FAT3: variants seen among roughly 807,000 people sequenced by gnomAD.
The protein encoded by FAT3 is FAT atypical cadherin 3.
FAT3 carries 95 observed loss-of-function variants against 310.2 expected under a neutral mutation model. The observed-to-expected ratio is 0.31, with a 90% CI of 0.26 to 0.36. The LOEUF is 0.36. Ranked by LOEUF, FAT3 falls within the 10% of genes least tolerant of loss-of-function variation. The pLI is 1.00. For missense variants in FAT3, 5,408 were observed against 5,715.6 expected (o/e 0.95, Z 1.74); for synonymous variants, 2,314 against 2,192.9 (o/e 1.06, Z -1.54).
intron 2 of FAT3, among the ~76,000 whole-genome samples, chr11:92,500,879 T>C (rs1952918352): frequency 6.6e-6 from 1 of 152,016 alleles, no homozygotes; most frequent in Non-Finnish European, 1.5e-5. Flanking sequence ...GAGGGAAGAC[T>C]CTCCTAAGTT....
At chr11:92,311,276 G>T (rs938173260) in intron 1 of FAT3, among the ~76,000 whole-genome samples, 12 of 151,984 alleles carry the variant, frequency 7.9e-5, no homozygotes, top group African/African-American at 2.9e-4. Context: ...AAATGATTAC[G>T]TCTTATTTTC....
intron 2 of FAT3, chr11:92,367,088 A>T (rs1483019037): frequency 2.2e-6 from 1 of 456,800 alleles, no homozygotes; most frequent in Non-Finnish European, 4.3e-6. Context: ...GAGGTGAAGC[A>T]GGTGTCAAAT....
chr11:92,889,354 C>G (rs1644110168), intron 26 of FAT3, 106 bp downstream of exon 26: 9 of 511,572 alleles, frequency 1.8e-5, no homozygotes, highest in Admixed American at 3.4e-5. Flanking sequence ...CAATAAACAG[C>G]TGGTTTCTGA....
intron 3 of FAT3, among the ~76,000 whole-genome samples, chr11:92,633,139 CTGTT>C (rs1221346497): frequency 6.6e-5 from 10 of 152,218 alleles, no homozygotes; most frequent in African/African-American, 2.2e-4. Flanking sequence ...GTCACCAACT[CTGTT>C]TATTTATGCA....
intron 18 of FAT3, among the ~76,000 whole-genome samples, chr11:92,843,079 A>G (rs1365077856): frequency 6.8e-6 from 1 of 147,710 alleles, no homozygotes; most frequent in African/African-American, 2.6e-5. Context: ...AGAGAAGTTA[A>G]CTAACATACT....
intron 13 of FAT3, among the ~76,000 whole-genome samples, chr11:92,829,920 C>T (rs1948198331): frequency 6.6e-6 from 1 of 151,976 alleles, no homozygotes. Flanking sequence ...TTGCTGGGAA[C>T]TTGGGCTTAA....
chr11:92,830,982 G>C (rs942792529), intron 13 of FAT3, among the ~76,000 whole-genome samples: 1 of 152,118 alleles, frequency 6.6e-6, no homozygotes, highest in African/African-American at 2.4e-5. Context: ...CCAAGATCAC[G>C]TGCTTATGTT....
intron 1 of FAT3, among the ~76,000 whole-genome samples, chr11:92,266,537 C>A (rs1472956203): frequency 6.6e-6 from 1 of 152,000 alleles, no homozygotes; most frequent in African/African-American, 2.4e-5. Context: ...TTAATTCTAG[C>A]GGGTATATGT....
intron 3 of FAT3, among the ~76,000 whole-genome samples, chr11:92,658,816 C>T (rs1347904314): frequency 6.6e-6 from 1 of 152,076 alleles, no homozygotes; most frequent in African/African-American, 2.4e-5. Context: ...TCAGCATGCC[C>T]CATCAGCTCA....
intron 2 of FAT3, among the ~76,000 whole-genome samples, chr11:92,392,384 A>C (rs931896344): frequency 6.6e-6 from 1 of 152,138 alleles, no homozygotes; most frequent in Non-Finnish European, 1.5e-5. Flanking sequence ...ATGAAGAAAT[A>C]AGGTTTGGGG....
At chr11:92,293,268 C>T (rs1256350794) in intron 1 of FAT3, among the ~76,000 whole-genome samples, 1 of 151,472 alleles carries the variant, frequency 6.6e-6, no homozygotes, top group Non-Finnish European at 1.5e-5. Flanking sequence ...TCTTTTTACT[C>T]CAAGTGCTAC....
chr11:92,761,425 C>CGTAA (rs1321584198), intron 4 of FAT3, among the ~76,000 whole-genome samples: 5 of 152,194 alleles, frequency 3.3e-5, no homozygotes, highest in African/African-American at 1.2e-4. Context: ...TGAAGGGTTA[C>CGTAA]ATTCAGACTA....
intron 9 of FAT3, among the ~76,000 whole-genome samples, chr11:92,795,926 A>T (rs571834412): frequency 1.3e-5 from 2 of 152,090 alleles, no homozygotes; most frequent in East Asian, 3.9e-4. Context: ...ACAAAAAATT[A>T]TATTTGAGGT....
At chr11:92,284,533 C>A (rs2845880) in intron 1 of FAT3, among the ~76,000 whole-genome samples, 105,934 of 151,892 alleles carry the variant, frequency 0.7, 37,157 homozygotes, top group African/African-American at 0.77. Context: ...GCACAGGACT[C>A]AGCAGGATTA....
At chr11:92,374,030 GGAGA>G (rs58680206) in intron 2 of FAT3, among the ~76,000 whole-genome samples, 22 of 142,220 alleles carry the variant, frequency 1.5e-4, no homozygotes, top group Admixed American at 2.8e-4. Context: ...ACAGAGAGAG[GGAGA>G]GAGAGAGAGA....
chr11:92,273,571 C>G (rs1428059344), intron 1 of FAT3, among the ~76,000 whole-genome samples: 1 of 151,960 alleles, frequency 6.6e-6, no homozygotes. Context: ...TACACTTTAT[C>G]AAAATAATTT....
At chr11:92,517,254 A>C (rs1469017271) in intron 2 of FAT3, among the ~76,000 whole-genome samples, 1 of 152,210 alleles carries the variant, frequency 6.6e-6, no homozygotes, top group Non-Finnish European at 1.5e-5. Context: ...ACAGTAACCA[A>C]AACAGCATGG....
intron 2 of FAT3, among the ~76,000 whole-genome samples, chr11:92,368,127 C>A (rs182457102): frequency 6.8e-4 from 103 of 152,010 alleles, no homozygotes; most frequent in Non-Finnish European, 1.3e-3. Flanking sequence ...TTTTTTCTTA[C>A]ATTTTTGGGT....
intron 2 of FAT3, among the ~76,000 whole-genome samples, chr11:92,463,559 A>G (rs7106480): frequency 0.021 from 3,231 of 152,314 alleles, 125 homozygotes; most frequent in African/African-American, 0.073. Flanking sequence ...CATAGTGACT[A>G]GCAACTAACA....
Sources: allele counts gnomAD v4.1 joint callset (sites outside exome capture counted in the v4.1 genomes callset), GRCh38; gene constraint gnomAD v4.1.1; transcripts MANE v1.5; gene names NCBI Gene and HGNC (gene_info 2026-07-23, HGNC 2026-07-21).